PGGHG: variants seen among roughly 807,000 people sequenced by gnomAD.
PGGHG encodes protein-glucosylgalactosylhydroxylysine glucosidase, also known as ATH1, acid trehalase-like 1.
In PGGHG, 67 loss-of-function variants were observed where a neutral mutation model predicts 74.5. That is an observed-to-expected ratio of 0.90 (90% CI 0.74 to 1.10). The LOEUF is 1.10. PGGHG is among the 50% of genes least tolerant of loss of function. PGGHG has a pLI of 0.00. For synonymous variants in PGGHG, 496 were observed against 419.9 expected, an observed-to-expected ratio of 1.18 and a Z score of -2.21; for missense variants, 1,034 against 981.5, an observed-to-expected ratio of 1.05 and a Z score of -0.72.
chr11:294,706 C>T lies in PGGHG; in HGVS notation c.2171C>T (p.Ser724Phe). 1.2e-6 allele frequency: 2 copies of T among 1,611,696 alleles called. No individual in the cohort carries two copies. The highest frequency in any genetic ancestry group is 1.1e-5 in the South Asian group (1 of 90,976). The change falls in exon 14 of 14, where the codon TCC becomes TTC. Residue 724 changes from serine (S) to phenylalanine (F), a missense_variant. Ser to Phe is a radical substitution (Grantham distance 155, BLOSUM62 -2). Transcript: ENST00000409548. ...CCCCTCTGGGTCACCCTGGGTTCCT[C>T]CAGCCCCACCGAGTCACTCACTGTG... ...QSPLWVTLGS[S>F]SPTESLTVDP...
chr11:293,880 G>A lies in PGGHG; in HGVS notation c.1665G>A (p.Arg555=). 6.2e-7 allele frequency: 1 copy of A among 1,613,594 alleles called. No homozygotes were observed. Residue 555 remains arginine (R), a synonymous_variant, in exon 11 of 14, where the codon CGG becomes CGA. Coordinates refer to ENST00000409548, the MANE Select transcript of PGGHG (RefSeq NM_025092.5). The stretch of plus-strand genomic sequence containing the variant: ...AGCTGAAGGACGCAGTGCGGGCCCG[G>A]GGCCTCCTGGACAGGAGCTTTGCCA... The part of the protein sequence containing the change: ...WMELKDAVRA[R]GLLDRSFANM...
Position 295,659 on chromosome 11 carries a change from T to C in PGGHG, c.*910T>C, listed in dbSNP as rs1224035870. 6.6e-6 allele frequency: 1 copy of C among 152,390 alleles called. No individual in the cohort carries two copies. Among genetic ancestry groups the C allele is most frequent in the Non-Finnish European group, 1.5e-5 (1 of 68,078 alleles). 9.4% of individuals were successfully genotyped at this position (152,390 alleles called of 1,614,324 possible). On this transcript the variant is annotated 3_prime_UTR_variant, in exon 14 of 14. Transcript: ENST00000409548. ...GCTGTCAGCCTGAGGAATTAAAGCTTTGGTGCTGGGGAGAGCATTATTCCT... is the reference window on the plus strand; with the variant it reads ...GCTGTCAGCCTGAGGAATTAAAGCTCTGGTGCTGGGGAGAGCATTATTCCT...
rs543435538 is a variant in PGGHG, at chr11:292,788, AG to A, written c.1159-96del. 4.5e-4 allele frequency: 723 copies of A among 1,607,328 alleles called. 7 individuals carry two copies. The African/African-American group carries it at 8.8e-3, about 20-fold the overall frequency. The stretch of plus-strand genomic sequence containing the variant: ...TGGTCCTGGGAAGCTGGCTGAGGAC[AG>A]GTGTCTCAATGCCAGGCCTTGCTTC... On this transcript the variant is annotated intron_variant, in intron 6 of 13. Coordinates refer to ENST00000409548, the MANE Select transcript of PGGHG (RefSeq NM_025092.5).
At chr11:293,120 C>T in intron 7 of PGGHG, 43 bp from the exon 8 acceptor site, 1 of 1,613,902 alleles carries the variant, frequency 6.2e-7, no homozygotes, top group Non-Finnish European at 8.5e-7. Context: ...GGGAAGGCCT[C>T]TGAGACTCTG....
chr11:291,835 A>T, intron 4 of PGGHG, 141 bp from the exon 5 acceptor site: 2 of 1,217,618 alleles, frequency 1.6e-6, no homozygotes, highest in Non-Finnish European at 2.2e-6. Context: ...GCAGGTGGGG[A>T]GGGCCTGCAG....
intron 2 of PGGHG, 30 bp downstream of exon 2, chr11:290,105 C>G: frequency 6.7e-7 from 1 of 1,499,076 alleles, no homozygotes. Context: ...CTCACCCCTG[C>G]CCCAGGCATT....
chr11:294,099 G>T lies in PGGHG; in HGVS notation c.1711G>T (p.Val571Leu), dbSNP rs769675098. 6.2e-7 allele frequency: 1 copy of T among 1,606,230 alleles called. No individual in the cohort carries two copies. The highest frequency in any genetic ancestry group is 8.5e-7 in the Non-Finnish European group (1 of 1,175,700). ...GTGTCAGCTGCCCTTGCCCCTGCAGGTGTGGACGGAGAATGCAGACGGGTC... is the reference window on the plus strand; with the variant it reads ...GTGTCAGCTGCCCTTGCCCCTGCAGTTGTGGACGGAGAATGCAGACGGGTC... ...SFANMAEPFK[V>L]WTENADGSGA... Residue 571 changes from valine to leucine, a missense_variant and splice_region_variant, in exon 12 of 14, where the codon GTG (valine) becomes TTG (leucine). Coordinates refer to ENST00000409548, the MANE Select transcript of PGGHG (RefSeq NM_025092.5).
chr11:291,414 T>C (rs1845716948), intron 4 of PGGHG: 1 of 378,862 alleles, frequency 2.6e-6, no homozygotes, highest in Non-Finnish European at 4.8e-6. Context: ...AGTGTGGCGC[T>C]TGGAGTTTAC....
Position 289,726 on chromosome 11 carries a change from C to T in PGGHG, c.-13-78C>T, listed in dbSNP as rs1845658303. 6.9e-7 allele frequency: 1 copy of T among 1,453,936 alleles called. No homozygotes were observed. The highest frequency in any genetic ancestry group is 1.4e-5 in the South Asian group (1 of 72,420). 90.1% of individuals were successfully genotyped at this position (1,453,936 alleles called of 1,614,324 possible). A position where few individuals can be genotyped will look rare whatever the true frequency, so the allele number is the denominator to read the frequency against. ...CAACTCCCCCCAGTTCTGAGGGAGGCTTCAGGGGATTACAGACGGTCTCAA... is the reference window on the plus strand; with the variant it reads ...CAACTCCCCCCAGTTCTGAGGGAGGTTTCAGGGGATTACAGACGGTCTCAA... On this transcript the variant is annotated intron_variant, in intron 1 of 13. Coordinates refer to ENST00000409548, the MANE Select transcript of PGGHG (RefSeq NM_025092.5). This position sits in a 1 kb window ranked among gnomAD's most constrained non-coding sequence, Gnocchi z 5.6.
intron 4 of PGGHG, 96 bp downstream of exon 4, chr11:291,209 G>A: frequency 7.1e-7 from 1 of 1,409,996 alleles, no homozygotes; most frequent in Non-Finnish European, 9.6e-7. Flanking sequence ...GGTTGGGGAA[G>A]CACAGGGACT....
rs1482690804 is a variant in PGGHG at position 290,860 on chromosome 11, C to A, written c.653C>A (p.Ala218Asp). The A allele has an allele frequency of 2.5e-6, 4 of 1,611,316 alleles. No individual in the cohort carries two copies. The Admixed American group carries it at 6.7e-5, about 27-fold the overall frequency. ...QAEAQACLTE[A>D]LQLQARGALY... Reference sequence around the variant, plus strand: ...GAGGCTCAGGCCTGCCTCACTGAGGCCCTGCAGCTGCAGGCCAGGGGAGCT... The same window carrying A: ...GAGGCTCAGGCCTGCCTCACTGAGGACCTGCAGCTGCAGGCCAGGGGAGCT... Residue 218 changes from alanine (A) to aspartate (D), a missense_variant, in exon 4 of 14, where the codon GCC becomes GAC. Transcript: ENST00000409548.
chr11:290,639 G>A (rs768052220), intron 3 of PGGHG, 39 bp downstream of exon 3: 3 of 1,607,132 alleles, frequency 1.9e-6, no homozygotes, highest in East Asian at 2.3e-5. Flanking sequence ...GGAGTCCAGG[G>A]AGGGAGCTCA....
At chr11:290,193 C>T (rs1031897373) in intron 2 of PGGHG, 118 bp downstream of exon 2, 2 of 1,418,254 alleles carry the variant, frequency 1.4e-6, no homozygotes, top group African/African-American at 2.9e-5. Context: ...CTCACTAAGA[C>T]AGGAGGCCCC....
In PGGHG at chr11:291,215, G is replaced by A. The variant is rs543864626; in HGVS notation, c.906+102G>A. The A allele has an allele frequency of 1.2e-5, 16 of 1,380,450 alleles. No homozygotes were observed. In the South Asian group the frequency reaches 2.3e-4, roughly 20 times the overall value. 85.5% of individuals were successfully genotyped at this position (1,380,450 alleles called of 1,614,324 possible). A position where few individuals can be genotyped will look rare whatever the true frequency, so the allele number is the denominator to read the frequency against. Reference sequence around the variant, plus strand: ...CAGGGCTATGGTTGGGGAAGCACAGGGACTGTGGCAAAAGGGAAGAGGCCT... The same window carrying A: ...CAGGGCTATGGTTGGGGAAGCACAGAGACTGTGGCAAAAGGGAAGAGGCCT... On this transcript the variant is annotated intron_variant, in intron 4 of 13. Transcript: ENST00000409548.
rs992607517 is a variant in PGGHG, at chr11:289,700, G to C, written c.-13-104G>C. Reference sequence around the variant, plus strand: ...AAATCGGGGCTGCCCAGCTGGTTCCGCAACTCCCCCCAGTTCTGAGGGAGG... The same window carrying C: ...AAATCGGGGCTGCCCAGCTGGTTCCCCAACTCCCCCCAGTTCTGAGGGAGG... On this transcript the variant is annotated intron_variant, in intron 1 of 13. Coordinates refer to ENST00000409548, the MANE Select transcript of PGGHG (RefSeq NM_025092.5). This position sits in a 1 kb window ranked among gnomAD's most constrained non-coding sequence, Gnocchi z 5.6. The C allele has an allele frequency of 1.5e-5, 21 of 1,384,572 alleles. No homozygotes were observed. Among genetic ancestry groups the C allele is most frequent in the Admixed American group, 8.4e-5 (3 of 35,798 alleles). The allele number at this position is 1,384,572 out of a possible 1,614,324, so 85.8% of individuals were successfully genotyped here.
At position 294,490 on chromosome 11, in the gene PGGHG, C is replaced by G; in HGVS notation, c.2020+12C>G. 4.3e-6 allele frequency: 2 copies of G among 462,340 alleles called. No homozygotes were observed. The highest frequency in any genetic ancestry group is 5.8e-6 in the Non-Finnish European group (2 of 343,836). 28.6% of individuals were successfully genotyped at this position (462,340 alleles called of 1,614,324 possible). On this transcript the variant is annotated intron_variant, in intron 13 of 13. Coordinates refer to ENST00000409548, the MANE Select transcript of PGGHG (RefSeq NM_025092.5). ...CTCCCTGTTGCCAGGTAGAACAGCC[C>G]CCAACAGCCCAGGTGCCTGCGACCC...
rs545362438 is a variant in PGGHG, at chr11:296,095, C to G, written c.*1346C>G. 1 of 152,334 alleles carries G rather than the reference C, an allele frequency of 6.6e-6. No individual in the cohort carries two copies. Among genetic ancestry groups the G allele is most frequent in the Admixed American group, 6.5e-5 (1 of 15,288 alleles). 9.4% of individuals were successfully genotyped at this position (152,334 alleles called of 1,614,324 possible). A position where few individuals can be genotyped will look rare whatever the true frequency, so the allele number is the denominator to read the frequency against. ...AGAGGTCGGCTCCCCTGACAGGAAC[C>G]GTGTAGGGTGCAGAAGGCTGAGACC... On this transcript the variant is annotated 3_prime_UTR_variant, in exon 14 of 14. Coordinates refer to ENST00000409548, the MANE Select transcript of PGGHG (RefSeq NM_025092.5).
At chr11:294,503 G>A in intron 13 of PGGHG, 25 bp downstream of exon 13, 1 of 1,602,656 alleles carries the variant, frequency 6.2e-7, no homozygotes, top group Non-Finnish European at 8.5e-7. Context: ...AACAGCCCAG[G>A]TGCCTGCGAC....
Position 291,166 on chromosome 11 carries a change from C to T in PGGHG, c.906+53C>T, listed in dbSNP as rs1845709841. 7.3e-6 allele frequency: 11 copies of T among 1,506,090 alleles called. No homozygotes were observed. The South Asian group carries it at 9.2e-5, about 13-fold the overall frequency. 93.3% of individuals were successfully genotyped at this position (1,506,090 alleles called of 1,614,324 possible). ...ACACAGCAGGCGACACATGGAGGTCCACGGTCTCTGCCCTCCCTGGGACCA... is the reference window on the plus strand; with the variant it reads ...ACACAGCAGGCGACACATGGAGGTCTACGGTCTCTGCCCTCCCTGGGACCA... On this transcript the variant is annotated intron_variant, in intron 4 of 13. Transcript: ENST00000409548.
Sources: allele counts gnomAD v4.1 joint callset, GRCh38; gene constraint gnomAD v4.1.1; non-coding constraint Gnocchi (gnomAD v3.1); transcripts MANE v1.5; gene names NCBI Gene and HGNC (gene_info 2026-07-23, HGNC 2026-07-21).